The following ECT2 variants were observed in gnomAD, a reference collection of about 807,000 sequenced individuals.
ECT2 encodes the protein epithelial cell transforming 2, also known as protein ECT2.
Under a neutral mutation model 116.9 loss-of-function variants are expected in ECT2, and 61 were observed. The ratio of observed to expected loss-of-function variants is 0.52; its 90% confidence interval spans 0.42 to 0.65. The LOEUF (loss-of-function observed/expected upper bound fraction) is 0.65, where lower values mean the gene tolerates loss of function less well. Ranked by LOEUF, ECT2 falls within the 30% of genes least tolerant of loss-of-function variation. The probability of loss-of-function intolerance (pLI) is 0.00; values close to 1 mark genes in which losing one functional copy is unlikely to be tolerated. For missense variants in ECT2, 937 were observed against 1,078.7 expected, an observed-to-expected ratio of 0.87 and a Z score of 1.84; for synonymous variants, 358 against 346.4, an observed-to-expected ratio of 1.03 and a Z score of -0.37.
At chr3:172,780,109 T>C (rs1321616585) in intron 14 of ECT2, among the ~76,000 whole-genome samples, 1 of 152,028 alleles carries the variant, frequency 6.6e-6, no homozygotes, top group Non-Finnish European at 1.5e-5. Flanking sequence ...TCTGGACATT[T>C]TATATATTTA....
chr3:172,791,587 G>A (rs1223949888), intron 18 of ECT2, among the ~76,000 whole-genome samples: 1 of 152,222 alleles, frequency 6.6e-6, no homozygotes, highest in Non-Finnish European at 1.5e-5. Flanking sequence ...TGAACCAACT[G>A]TGCTAACTTC....
At chr3:172,754,401 A>T (rs1716545310) in intron 1 of ECT2, 108 bp from the exon 2 acceptor site, 1 of 787,582 alleles carries the variant, frequency 1.3e-6, no homozygotes, top group Non-Finnish European at 1.9e-6. Flanking sequence ...TTCATTAAAA[A>T]AATGGGTAAT....
At chr3:172,807,315 A>C (rs1336523035) in intron 21 of ECT2, among the ~76,000 whole-genome samples, 1 of 152,178 alleles carries the variant, frequency 6.6e-6, no homozygotes, top group African/African-American at 2.4e-5. Flanking sequence ...GTTTTTTTCT[A>C]CTATTTTCGG....
chr3:172,773,948 A>G lies in ECT2; in HGVS notation c.1474A>G (p.Ile492Val), dbSNP rs1721165741. ...AGAGGAAGGACAACGTGGTGGACCT[A>G]TCCTTGCACCAGAGGAGATTAAGAC... ...LEEEGQRGGP[I>V]LAPEEIKTIF... Residue 492 changes from isoleucine to valine, a missense_variant, in exon 14 of 25, where the codon ATC becomes GTC. By Grantham distance (29) the Ile-to-Val change is conservative. Transcript: ENST00000392692. The G allele has an allele frequency of 1.9e-6, 3 of 1,613,294 alleles. No homozygotes were observed. The highest frequency in any genetic ancestry group is 1.1e-5 in the South Asian group (1 of 91,060).
At position 172,802,888 on chromosome 3, in the gene ECT2, T is replaced by G. The variant is rs751375982; in HGVS notation, c.2014T>G (p.Leu672Val). Residue 672 changes from leucine (L) to valine (V), a missense_variant, in exon 20 of 25, where the codon TTA (leucine) becomes GTA (valine). Leu to Val is a conservative substitution (Grantham distance 32). Coordinates refer to ENST00000392692, the MANE Select transcript of ECT2 (RefSeq NM_001258315.2). ...PANLLSSHRS[L>V]VQRVETISLG... The stretch of plus-strand genomic sequence containing the variant: ...TAATCTTTTATCTTCTCACCGAAGC[T>G]TAGTACAGCGGGTTGAAACAATTTC... The G allele has an allele frequency of 6.2e-7, 1 of 1,613,148 alleles. No individual in the cohort carries two copies. Among genetic ancestry groups the G allele is most frequent in the Non-Finnish European group, 8.5e-7 (1 of 1,179,528 alleles).
intron 14 of ECT2, among the ~76,000 whole-genome samples, chr3:172,775,122 C>G (rs1721412404): frequency 6.6e-6 from 1 of 152,056 alleles, no homozygotes; most frequent in Non-Finnish European, 1.5e-5. Context: ...AATTCCTGAA[C>G]AGATTTAGCT....
chr3:172,782,111 T>C (rs368077701), intron 14 of ECT2, 52 bp from the exon 15 acceptor site: 5 of 1,090,516 alleles, frequency 4.6e-6, no homozygotes, highest in African/African-American at 3.2e-5. Context: ...ATAAAAGTTG[T>C]ATAAGGAGCT....
rs1728080989 is a variant in ECT2, at chr3:172,807,980, A to G, written c.2400+56A>G. On this transcript the variant is annotated intron_variant, in intron 22 of 24. Transcript: ENST00000392692. ...GTTTAAATTTCATGACAGTGCATTC[A>G]GACTAAACCTGTACATTTTTAATGA... 24 of 1,486,984 alleles carry G rather than the reference A, an allele frequency of 1.6e-5. No homozygotes were observed. In the South Asian group the frequency reaches 3.2e-4, roughly 20 times the overall value. 92.1% of individuals were successfully genotyped at this position (1,486,984 alleles called of 1,614,324 possible). A position where few individuals can be genotyped will look rare whatever the true frequency, so the allele number is the denominator to read the frequency against.
At chr3:172,766,968 A>G (rs1719521349) in intron 12 of ECT2, among the ~76,000 whole-genome samples, 1 of 152,228 alleles carries the variant, frequency 6.6e-6, no homozygotes, top group African/African-American at 2.4e-5. Flanking sequence ...GTGCTCTGTA[A>G]AATAGATTCC....
At chr3:172,792,451 CT>C (rs34510739) in intron 18 of ECT2, among the ~76,000 whole-genome samples, 12,009 of 143,280 alleles carry the variant, frequency 0.084, 821 homozygotes, top group African/African-American at 0.19. Flanking sequence ...TTTTATCTGG[CT>C]TTTTTTTTTT....
At chr3:172,764,148 T>G (rs1718869081) in intron 11 of ECT2, 130 bp from the exon 12 acceptor site, 2 of 750,690 alleles carry the variant, frequency 2.7e-6, no homozygotes. Flanking sequence ...AATTGCCTGG[T>G]AGAGTGTAGG....
intron 13 of ECT2, 81 bp downstream of exon 13, chr3:172,769,224 A>T (rs1160199114): frequency 1.5e-6 from 2 of 1,304,190 alleles, no homozygotes; most frequent in Non-Finnish European, 2.1e-6. Context: ...GTTTCTTACG[A>T]GAAAATTATA....
rs1208066079 is a variant in ECT2, at chr3:172,773,993, G to T, written c.1519G>T (p.Asp507Tyr). Reference protein sequence around the residue: ...EIKTIFGSIPDIFDVHTKIKD... With the variant: ...EIKTIFGSIPYIFDVHTKIKD... ...TAAGACTATTTTTGGTAGCATCCCAGATATCTTTGATGTACACACTAAGAT... is the reference window on the plus strand; with the variant it reads ...TAAGACTATTTTTGGTAGCATCCCATATATCTTTGATGTACACACTAAGAT... Residue 507 changes from aspartate (D) to tyrosine (Y), a missense_variant, in exon 14 of 25, where the codon GAT becomes TAT. Coordinates refer to ENST00000392692, the MANE Select transcript of ECT2 (RefSeq NM_001258315.2). 6 of 1,612,688 alleles carry T rather than the reference G, an allele frequency of 3.7e-6. No individual in the cohort carries two copies. The highest frequency in any genetic ancestry group is 5.1e-6 in the Non-Finnish European group (6 of 1,178,918).
At position 172,783,927 on chromosome 3, in the gene ECT2, C is replaced by T. The variant is rs1490819250; in HGVS notation, c.1728+18C>T. 2.0e-6 allele frequency: 3 copies of T among 1,472,494 alleles called. No individual in the cohort carries two copies. The highest frequency in any genetic ancestry group is 1.8e-6 in the Non-Finnish European group (2 of 1,081,246). 91.2% of individuals were successfully genotyped at this position (1,472,494 alleles called of 1,614,324 possible). ...TTCTCAAGGTAATGTGTGTTTCTTT[C>T]AAATAAAAATTTGAGAATTATTTCT... On this transcript the variant is annotated intron_variant, in intron 16 of 24. Coordinates refer to ENST00000392692, the MANE Select transcript of ECT2 (RefSeq NM_001258315.2).
At chr3:172,792,566 C>T (rs1176318556) in intron 18 of ECT2, among the ~76,000 whole-genome samples, 2 of 150,942 alleles carry the variant, frequency 1.3e-5, no homozygotes, top group Non-Finnish European at 2.9e-5. Flanking sequence ...CATCCATTTT[C>T]ATGTTGATGG....
rs919623876 is a variant in ECT2, at chr3:172,782,771, A to G, written c.1617+540A>G. ...TCTTCTTATCATTTTGCTCCCACTT[A>G]TAAGTGAGAACATGTGATGTTTGGT... On this transcript the variant is annotated intron_variant, in intron 15 of 24. Transcript: ENST00000392692. 3.3e-5 allele frequency among the ~76,000 whole-genome samples: 5 copies of G among 151,962 alleles called. No individual in the cohort carries two copies. In the South Asian group the frequency reaches 6.2e-4, roughly 19 times the overall value.
intron 1 of ECT2, among the ~76,000 whole-genome samples, chr3:172,753,430 C>G (rs565209071): frequency 6.6e-6 from 1 of 152,280 alleles, no homozygotes; most frequent in African/African-American, 2.4e-5. Context: ...TATTCCCTGT[C>G]TAGCTTTTAA....
At chr3:172,802,823 C>A (rs1726965654) in intron 19 of ECT2, 38 bp from the exon 20 acceptor site, 1 of 1,581,428 alleles carries the variant, frequency 6.3e-7, no homozygotes, top group African/African-American at 1.4e-5. Flanking sequence ...TTACTTGATA[C>A]CAAGTGATCT....
intron 22 of ECT2, among the ~76,000 whole-genome samples, chr3:172,815,022 G>A (rs1729448321): frequency 6.6e-6 from 1 of 152,118 alleles, no homozygotes. Context: ...GTAGACTTGT[G>A]GTTATATGAG....
Sources: allele counts gnomAD v4.1 joint callset (sites outside exome capture counted in the v4.1 genomes callset), GRCh38; gene constraint gnomAD v4.1.1; transcripts MANE v1.5; gene names NCBI Gene and HGNC (gene_info 2026-07-23, HGNC 2026-07-21).